PLCL2: variants seen among roughly 807,000 people sequenced by gnomAD.
PLCL2 encodes the protein phospholipase C like 2, also known as inactive phospholipase C-like protein 2.
In PLCL2, 4 loss-of-function variants were observed where a neutral mutation model predicts 79.6. The ratio of observed to expected loss-of-function variants is 0.05; its 90% CI spans 0.02 to 0.11. The LOEUF (loss-of-function observed/expected upper bound fraction) is 0.11, where lower values mean the gene tolerates loss of function less well. PLCL2 is among the 10% of genes least tolerant of loss of function. PLCL2 has a pLI of 1.00. For synonymous variants in PLCL2, 484 were observed against 457.7 expected (o/e 1.06, Z -0.73); for missense variants, 895 against 1,291.0 (o/e 0.69, Z 4.70).
At chr3:16,909,571 G>A (rs1028898702) in intron 1 of PLCL2, among the ~76,000 whole-genome samples, 9 of 152,162 alleles carry the variant, frequency 5.9e-5, no homozygotes, top group Admixed American at 5.2e-4. Flanking sequence ...GGTATCAAGA[G>A]GATTGGGAAC....
At chr3:16,932,521 T>C (rs1346200425) in intron 1 of PLCL2, among the ~76,000 whole-genome samples, 1 of 152,222 alleles carries the variant, frequency 6.6e-6, no homozygotes, top group Non-Finnish European at 1.5e-5. Flanking sequence ...AGGTATTTAT[T>C]TTCATCTTGG....
At chr3:16,926,635 AC>A (rs971314567) in intron 1 of PLCL2, among the ~76,000 whole-genome samples, 4 of 151,320 alleles carry the variant, frequency 2.6e-5, no homozygotes, top group Middle Eastern at 3.2e-3. Flanking sequence ...TATAATCAAA[AC>A]CTTTTTTTTT....
At chr3:16,907,478 A>C (rs143201690) in intron 1 of PLCL2, among the ~76,000 whole-genome samples, 2 of 152,098 alleles carry the variant, frequency 1.3e-5, no homozygotes, top group Admixed American at 1.3e-4. Flanking sequence ...AGCACCTACC[A>C]CTATTCAGGA....
At chr3:17,003,077 A>G (rs984497029) in intron 1 of PLCL2, among the ~76,000 whole-genome samples, 2 of 152,136 alleles carry the variant, frequency 1.3e-5, no homozygotes, top group Non-Finnish European at 2.9e-5. Context: ...TAGTTTCAGC[A>G]TCTTCTGAGT....
intron 3 of PLCL2, among the ~76,000 whole-genome samples, chr3:17,018,299 CATAGCAACCCTAGGTAGGGA>C (rs974583500): frequency 3.9e-5 from 6 of 152,230 alleles, no homozygotes; most frequent in African/African-American, 1.2e-4. Flanking sequence ...AAAAGCTGCA[CATAGCAACCCTAGGTAGGGA>C]AATTGTAGCA....
chr3:17,045,741 C>T (rs576247875), intron 4 of PLCL2, among the ~76,000 whole-genome samples: 2 of 152,126 alleles, frequency 1.3e-5, no homozygotes, highest in South Asian at 4.2e-4. Flanking sequence ...ATAGATGAGA[C>T]AGAGATTCAG....
intron 1 of PLCL2, among the ~76,000 whole-genome samples, chr3:16,910,806 G>A (rs1359978187): frequency 6.6e-6 from 1 of 151,460 alleles, no homozygotes; most frequent in Non-Finnish European, 1.5e-5. Flanking sequence ...TTCTTTCTTA[G>A]TTTGATAATA....
chr3:17,081,362 A>C, intron 5 of PLCL2: 1 of 414,714 alleles, frequency 2.4e-6, no homozygotes, highest in Non-Finnish European at 4.9e-6. Flanking sequence ...GCATGTGGCC[A>C]TTACACAGGT....
intron 1 of PLCL2, among the ~76,000 whole-genome samples, chr3:16,995,117 A>G (rs1204765651): frequency 6.6e-6 from 1 of 152,250 alleles, no homozygotes; most frequent in East Asian, 1.9e-4. Context: ...AATTCCAGCC[A>G]AGGGCTGGGC....
intron 4 of PLCL2, among the ~76,000 whole-genome samples, chr3:17,047,453 C>A (rs1376429186): frequency 6.6e-6 from 1 of 152,056 alleles, no homozygotes; most frequent in Non-Finnish European, 1.5e-5. Context: ...GAAAGATGAC[C>A]CAGCCCTCTC....
At chr3:17,071,400 A>T (rs1223939906) in intron 5 of PLCL2, among the ~76,000 whole-genome samples, 2 of 152,148 alleles carry the variant, frequency 1.3e-5, no homozygotes, top group South Asian at 2.1e-4. Flanking sequence ...CCACACCCAG[A>T]ATTATCTACT....
chr3:16,895,016 T>G (rs1696442309), intron 1 of PLCL2, among the ~76,000 whole-genome samples: 1 of 151,952 alleles, frequency 6.6e-6, no homozygotes. Context: ...TGTTTTGTGA[T>G]ATATCACAAA....
At chr3:16,982,301 A>G (rs2064007795) in intron 1 of PLCL2, among the ~76,000 whole-genome samples, 1 of 152,182 alleles carries the variant, frequency 6.6e-6, no homozygotes, top group Admixed American at 6.5e-5. Flanking sequence ...ATTTTAAAGC[A>G]GGTTTTTAGG....
At chr3:16,945,386 T>C (rs1397698666) in intron 1 of PLCL2, among the ~76,000 whole-genome samples, 21 of 152,294 alleles carry the variant, frequency 1.4e-4, no homozygotes, top group Non-Finnish European at 4.4e-5. Flanking sequence ...GGTTTTTTAT[T>C]ATAAGTGCCC....
At position 16,932,406 on chromosome 3, in the gene PLCL2, T is replaced by G. The variant is rs572234462; in HGVS notation, c.327+47040T>G. 2.9e-4 allele frequency among the ~76,000 whole-genome samples: 44 copies of G among 152,366 alleles called. 1 individual carries two copies. The highest frequency in any genetic ancestry group is 8.3e-4 in the South Asian group (4 of 4,826). ...TAGATTGAATTTTTTTCTTCTCACT[T>G]AAGCATTTTGGAGTACCATTAGTCC... On this transcript the variant is annotated intron_variant, in intron 1 of 5. Coordinates refer to ENST00000615277, the MANE Select transcript of PLCL2 (RefSeq NM_001144382.2).
intron 1 of PLCL2, among the ~76,000 whole-genome samples, chr3:16,928,536 A>G (rs966782092): frequency 2.0e-5 from 3 of 152,208 alleles, no homozygotes; most frequent in Non-Finnish European, 4.4e-5. Context: ...GAGAAAGTAC[A>G]GAGCCAGGCA....
rs1298767336 is a variant in PLCL2, at chr3:17,009,621, C to G, written c.328-53C>G. 1 of 912,062 alleles carries G rather than the reference C, an allele frequency of 1.1e-6. No individual in the cohort carries two copies. Among genetic ancestry groups the G allele is most frequent in the Admixed American group, 2.6e-5 (1 of 39,036 alleles). The allele number at this position is 912,062 out of a possible 1,614,324, so 56.5% of individuals were successfully genotyped here. ...TTAAATTTCTATTCATAATCTTGAA[C>G]ATAGAAACCTATATTTATGTTATTC... On this transcript the variant is annotated intron_variant, in intron 1 of 5. Coordinates refer to ENST00000615277, the MANE Select transcript of PLCL2 (RefSeq NM_001144382.2). This position sits in a 1 kb window ranked among gnomAD's most constrained non-coding sequence, Gnocchi z 4.0.
At chr3:16,916,238 A>T (rs1696992955) in intron 1 of PLCL2, among the ~76,000 whole-genome samples, 1 of 152,218 alleles carries the variant, frequency 6.6e-6, no homozygotes, top group Non-Finnish European at 1.5e-5. Flanking sequence ...CCCTTAAAAC[A>T]ATGACTATCC....
Position 17,011,207 on chromosome 3 carries a change from C to T in PLCL2, c.1861C>T (p.Leu621=), listed in dbSNP as rs1487987564. The change falls in exon 2 of 6, where the codon CTG becomes TTG. Residue 621 remains leucine (L), a synonymous_variant. Coordinates refer to ENST00000615277, the MANE Select transcript of PLCL2 (RefSeq NM_001144382.2). The surrounding 1 kb of genome is among the most constrained non-coding windows in gnomAD (Gnocchi z 7.9). ...TCAGCTTTGTAAAGAACTGTCTGAACTGGTCAGCATCTGCAAATCAGTTCA... is the reference window on the plus strand; with the variant it reads ...TCAGCTTTGTAAAGAACTGTCTGAATTGGTCAGCATCTGCAAATCAGTTCA... ...RFQLCKELSE[L]VSICKSVQFK... 6.2e-7 allele frequency: 1 copy of T among 1,614,074 alleles called. No individual in the cohort carries two copies. The highest frequency in any genetic ancestry group is 2.2e-5 in the East Asian group (1 of 44,894).
Sources: gnomAD v4.1 joint callset for allele counts (sites outside exome capture counted in the v4.1 genomes callset) on GRCh38, gnomAD v4.1.1 for gene constraint, Gnocchi (gnomAD v3.1) non-coding constraint, MANE v1.5 for transcripts, NCBI Gene and HGNC (gene_info 2026-07-23, HGNC 2026-07-21) for gene names.